The following LRRC4C variants were observed in gnomAD, a reference collection of about 807,000 sequenced individuals.
The protein encoded by LRRC4C is leucine-rich repeat-containing protein 4C.
A neutral mutation model predicts 33.6 loss-of-function variants in LRRC4C; 5 were observed. The ratio of observed to expected loss-of-function variants is 0.15; its 90% CI spans 0.08 to 0.31. The LOEUF (loss-of-function observed/expected upper bound fraction) is 0.31, where lower values mean the gene tolerates loss of function less well. LRRC4C is among the 10% of genes least tolerant of loss of function. LRRC4C has a pLI of 1.00. For missense variants in LRRC4C, 560 were observed against 796.7 expected (o/e 0.70, Z 3.58); for synonymous variants, 329 against 302.0 (o/e 1.09, Z -0.93).
At chr11:40,535,487 C>T (rs915453469) in intron 3 of LRRC4C, among the ~76,000 whole-genome samples, 3 of 152,154 alleles carry the variant, frequency 2.0e-5, no homozygotes, top group Non-Finnish European at 2.9e-5. Flanking sequence ...TCATCAGCAT[C>T]ACCAGGAGAC....
intron 1 of LRRC4C, among the ~76,000 whole-genome samples, chr11:41,039,999 G>A (rs190185810): frequency 3.4e-4 from 52 of 151,878 alleles, no homozygotes; most frequent in Non-Finnish European, 3.4e-4. Context: ...TTAGCCGGGC[G>A]TGGTGGCGGA....
chr11:41,153,602 G>A (rs1944096271), intron 1 of LRRC4C, among the ~76,000 whole-genome samples: 1 of 152,150 alleles, frequency 6.6e-6, no homozygotes, highest in African/African-American at 2.4e-5. Context: ...TGTTTAACTA[G>A]CTCACCATCA....
intron 2 of LRRC4C, among the ~76,000 whole-genome samples, chr11:40,819,314 A>C (rs1951828407): frequency 6.6e-6 from 1 of 152,136 alleles, no homozygotes; most frequent in African/African-American, 2.4e-5. Flanking sequence ...AAAGTCATAA[A>C]AAAATCTGAG....
At position 40,339,948 on chromosome 11, in the gene LRRC4C, T is replaced by C. The variant is rs188227282; in HGVS notation, c.-269-20227A>G. On this transcript the variant is annotated intron_variant, in intron 3 of 6. Transcript: ENST00000528697. ...GACATTTACTTGGAAATTTGGCATA[T>C]GTGGTTCCAAGAGAGTAAAAATCTA... Among the ~76,000 whole-genome samples, 217 of 152,322 alleles carry C rather than the reference T, an allele frequency of 1.4e-3. 1 individual carries two copies. The highest frequency in any genetic ancestry group is 5.0e-3 in the African/African-American group (209 of 41,590).
chr11:40,341,445 G>A (rs1043503917), intron 3 of LRRC4C, among the ~76,000 whole-genome samples: 2 of 151,782 alleles, frequency 1.3e-5, no homozygotes, highest in African/African-American at 2.4e-5. Context: ...ACTCAGTAAT[G>A]GGATTGCTGG....
intron 2 of LRRC4C, among the ~76,000 whole-genome samples, chr11:40,738,454 G>A (rs1054534859): frequency 2.0e-5 from 3 of 151,992 alleles, no homozygotes; most frequent in Non-Finnish European, 4.4e-5. Flanking sequence ...CTCTCTAGAG[G>A]ACTCTGACTA....
intron 2 of LRRC4C, among the ~76,000 whole-genome samples, chr11:40,659,428 G>A (rs1019570533): frequency 9.2e-5 from 14 of 152,122 alleles, no homozygotes; most frequent in African/African-American, 3.4e-4. Context: ...CTGAAGCCTG[G>A]GGTCCAGGCT....
intron 2 of LRRC4C, among the ~76,000 whole-genome samples, chr11:40,861,665 A>T (rs1282491309): frequency 6.6e-6 from 1 of 152,158 alleles, no homozygotes; most frequent in African/African-American, 2.4e-5. Context: ...TTTGTTACGC[A>T]TTGCTGTAAA....
chr11:40,600,187 A>G (rs1959840193), intron 3 of LRRC4C, among the ~76,000 whole-genome samples: 1 of 152,220 alleles, frequency 6.6e-6, no homozygotes, highest in Admixed American at 6.5e-5. Context: ...ACAGCCACTC[A>G]ATAACCACTA....
intron 1 of LRRC4C, among the ~76,000 whole-genome samples, chr11:40,964,379 T>C (rs1850947570): frequency 6.6e-6 from 1 of 151,814 alleles, no homozygotes; most frequent in South Asian, 2.1e-4. Flanking sequence ...TTAATTTTAT[T>C]GTTATTATAC....
chr11:41,119,521 C>A (rs780487825), intron 1 of LRRC4C, among the ~76,000 whole-genome samples: 1 of 152,150 alleles, frequency 6.6e-6, no homozygotes, highest in Non-Finnish European at 1.5e-5. Flanking sequence ...TTTTGCTGTT[C>A]TGTTTTATAA....
At chr11:40,793,545 CAACA>C (rs1425910095) in intron 2 of LRRC4C, among the ~76,000 whole-genome samples, 1 of 152,092 alleles carries the variant, frequency 6.6e-6, no homozygotes, top group African/African-American at 2.4e-5. Context: ...TTAATACTCA[CAACA>C]AACAAAACAA....
At chr11:40,123,786 T>G (rs1452860433) in intron 6 of LRRC4C, among the ~76,000 whole-genome samples, 6 of 151,998 alleles carry the variant, frequency 3.9e-5, no homozygotes, top group Non-Finnish European at 2.9e-5. Context: ...GCCAAAGCTA[T>G]CCTGAACAAA....
chr11:40,816,244 G>A (rs1951701543), intron 2 of LRRC4C, among the ~76,000 whole-genome samples: 2 of 152,158 alleles, frequency 1.3e-5, no homozygotes, highest in Admixed American at 6.6e-5. Context: ...GGAGGAACTG[G>A]GATGTAAAAG....
intron 1 of LRRC4C, among the ~76,000 whole-genome samples, chr11:41,262,379 T>C (rs1185122929): frequency 2.0e-5 from 3 of 148,328 alleles, no homozygotes; most frequent in Non-Finnish European, 4.4e-5. Flanking sequence ...ACTGCTACCC[T>C]ATACTACTAC....
intron 5 of LRRC4C, among the ~76,000 whole-genome samples, chr11:40,154,981 A>G (rs1157180974): frequency 2.0e-5 from 3 of 152,206 alleles, no homozygotes; most frequent in Non-Finnish European, 4.4e-5. Context: ...TAAATTGAAG[A>G]AAATTGAAAT....
intron 6 of LRRC4C, among the ~76,000 whole-genome samples, chr11:40,132,093 G>T (rs112163411): frequency 7.9e-4 from 120 of 152,202 alleles, no homozygotes; most frequent in African/African-American, 2.8e-3. Context: ...AGAGATTTAT[G>T]GCTGCAAAAA....
At chr11:40,295,468 T>TA (rs1216525225) in intron 4 of LRRC4C, among the ~76,000 whole-genome samples, 2 of 152,130 alleles carry the variant, frequency 1.3e-5, no homozygotes, top group East Asian at 3.8e-4. Flanking sequence ...GAGTAAATCA[T>TA]AACGGAAGGT....
At chr11:40,665,349 T>TATAC (rs1565615180) in intron 2 of LRRC4C, among the ~76,000 whole-genome samples, 2 of 16,116 alleles carry the variant, frequency 1.2e-4, no homozygotes, top group Non-Finnish European at 2.8e-4. Flanking sequence ...TATATATATA[T>TATAC]ATATATATAT....
Sources: allele counts gnomAD v4.1 joint callset (sites outside exome capture counted in the v4.1 genomes callset), GRCh38; gene constraint gnomAD v4.1.1; transcripts MANE v1.5; gene names NCBI Gene and HGNC (gene_info 2026-07-23, HGNC 2026-07-21).